The following NAV2 variants were observed in gnomAD, a reference collection of about 807,000 sequenced individuals.
NAV2 encodes helicase, APC down-regulated 1.
Under a neutral mutation model 223.2 loss-of-function variants are expected in NAV2, and 54 were observed. The ratio of observed to expected loss-of-function variants is 0.24; its 90% CI spans 0.19 to 0.30. The LOEUF is 0.30. Ranked by LOEUF, NAV2 falls within the 10% of genes least tolerant of loss-of-function variation. NAV2 has a pLI of 1.00. For missense variants in NAV2, 2,806 were observed against 3,147.5 expected, an observed-to-expected ratio of 0.89 and a Z score of 2.60; for synonymous variants, 1,279 against 1,239.3, an observed-to-expected ratio of 1.03 and a Z score of -0.67.
At chr11:19,426,365 C>G (rs1850827339) in intron 1 of NAV2, among the ~76,000 whole-genome samples, 1 of 152,172 alleles carries the variant, frequency 6.6e-6, no homozygotes, top group South Asian at 2.1e-4. Context: ...TCTTCCTCAT[C>G]CCTCTTCTCT....
At chr11:20,001,153 C>T (rs2052504228) in intron 11 of NAV2, among the ~76,000 whole-genome samples, 1 of 152,156 alleles carries the variant, frequency 6.6e-6, no homozygotes, top group African/African-American at 2.4e-5. Context: ...TATTGTAAAC[C>T]TCCATGCCTT....
intron 1 of NAV2, among the ~76,000 whole-genome samples, chr11:19,590,978 A>G (rs2046043206): frequency 6.6e-6 from 1 of 152,208 alleles, no homozygotes. Context: ...TACTTTAAAA[A>G]CTTCCTATAC....
chr11:19,550,465 G>A (rs1284277841), intron 1 of NAV2, among the ~76,000 whole-genome samples: 1 of 152,204 alleles, frequency 6.6e-6, no homozygotes, highest in Non-Finnish European at 1.5e-5. Flanking sequence ...TCGTAGATGA[G>A]GCAACTGAGG....
intron 1 of NAV2, among the ~76,000 whole-genome samples, chr11:19,654,530 G>C (rs993192991): frequency 6.6e-6 from 1 of 152,066 alleles, no homozygotes; most frequent in African/African-American, 2.4e-5. Flanking sequence ...CATGGTACTG[G>C]TACCAAAACA....
At chr11:19,670,366 C>A (rs538510456) in intron 1 of NAV2, among the ~76,000 whole-genome samples, 73 of 152,362 alleles carry the variant, frequency 4.8e-4, no homozygotes, top group African/African-American at 1.6e-3. Context: ...AAAGGCCAAG[C>A]CACTCCTCCT....
At chr11:19,636,987 G>A (rs140580686) in intron 1 of NAV2, among the ~76,000 whole-genome samples, 32 of 152,326 alleles carry the variant, frequency 2.1e-4, no homozygotes, top group African/African-American at 4.8e-4. Flanking sequence ...TGATTCCAGC[G>A]TAGCTCAGCA....
At chr11:19,887,848 G>A (rs545708886) in intron 5 of NAV2, among the ~76,000 whole-genome samples, 3 of 151,980 alleles carry the variant, frequency 2.0e-5, no homozygotes, top group East Asian at 1.9e-4. Context: ...GATTATGACC[G>A]CCCCCCGCCA....
upstream of NAV2, among the ~76,000 whole-genome samples, chr11:19,348,433 C>A (rs935488425): frequency 3.3e-5 from 5 of 152,194 alleles, no homozygotes; most frequent in Admixed American, 6.5e-5. Context: ...CCTTCCAGAG[C>A]AGCATGGATA....
At chr11:19,868,804 A>G in intron 3 of NAV2, 121 bp from the exon 4 acceptor site, 1 of 842,268 alleles carries the variant, frequency 1.2e-6, no homozygotes, top group Non-Finnish European at 1.9e-6. Context: ...AGAGTGTCCT[A>G]TCTTGGCGTT....
intron 10 of NAV2, among the ~76,000 whole-genome samples, chr11:19,958,939 G>A (rs926840149): frequency 6.6e-6 from 1 of 152,194 alleles, no homozygotes; most frequent in Non-Finnish European, 1.5e-5. Context: ...GTAAGGCCAG[G>A]GCCAGGGGAA....
rs199691877 is a variant in NAV2 at position 20,035,977 on chromosome 11, C to T, written c.2787C>T (p.Ser929=). 33 of 1,614,132 alleles carry T rather than the reference C, an allele frequency of 2.0e-5. No homozygotes were observed. The highest frequency in any genetic ancestry group is 4.4e-5 in the South Asian group (4 of 91,084). The change falls in exon 12 of 38, where the codon TCC becomes TCT. Residue 929 remains serine, a synonymous_variant. Coordinates refer to ENST00000349880, the MANE Select transcript of NAV2 (RefSeq NM_145117.5). The stretch of plus-strand genomic sequence containing the variant: ...TTGGCAGCTGGGACGACAGCAGCTC[C>T]GTCAGCAGCGGCATCAGCGACACCA... ...GDADSWDDSS[S]VSSGISDTID...
chr11:20,086,640 G>A (rs1484396918), intron 26 of NAV2, among the ~76,000 whole-genome samples: 1 of 152,158 alleles, frequency 6.6e-6, no homozygotes. Context: ...GGTTTTGCAG[G>A]CACTCAAATA....
chr11:19,511,087 G>C (rs1254467626), intron 1 of NAV2: 1 of 152,148 alleles, frequency 6.6e-6, no homozygotes, highest in Non-Finnish European at 1.5e-5. Flanking sequence ...GAGGTTCAAG[G>C]GACTCATCAG....
intron 1 of NAV2, among the ~76,000 whole-genome samples, chr11:19,826,697 A>T (rs1362636847): frequency 2.0e-5 from 3 of 152,108 alleles, no homozygotes; most frequent in African/African-American, 7.2e-5. Context: ...ATAATTAATG[A>T]TCCTTGTGAA....
At chr11:20,104,413 G>A (rs541247349) in intron 34 of NAV2, 5 of 152,574 alleles carry the variant, frequency 3.3e-5, no homozygotes, top group East Asian at 1.9e-4. Flanking sequence ...TAGGACCCCC[G>A]GCTCATTTCC....
chr11:19,588,940 G>A (rs1430195056), intron 1 of NAV2, among the ~76,000 whole-genome samples: 1 of 152,132 alleles, frequency 6.6e-6, no homozygotes, highest in Admixed American at 6.5e-5. Context: ...ATGGGCAATT[G>A]GTAGATGGCT....
At chr11:19,831,341 G>T (rs1229113277) in intron 1 of NAV2, among the ~76,000 whole-genome samples, 2 of 151,464 alleles carry the variant, frequency 1.3e-5, no homozygotes, top group Non-Finnish European at 2.9e-5. Flanking sequence ...TGCTGCTCTG[G>T]GAGTCACATG....
chr11:19,873,881 A>C (rs1307004080), intron 4 of NAV2, among the ~76,000 whole-genome samples: 4 of 152,162 alleles, frequency 2.6e-5, no homozygotes, highest in Admixed American at 6.5e-5. Context: ...GGGGCAAGTT[A>C]AGTGGTGAAT....
intron 1 of NAV2, among the ~76,000 whole-genome samples, chr11:19,794,365 C>T (rs1386188666): frequency 6.6e-6 from 1 of 152,192 alleles, no homozygotes; most frequent in African/African-American, 2.4e-5. Flanking sequence ...CTCACTTCCT[C>T]TCTGAGAGCC....
Sources: allele counts gnomAD v4.1 joint callset (sites outside exome capture counted in the v4.1 genomes callset), GRCh38; gene constraint gnomAD v4.1.1; transcripts MANE v1.5; gene names NCBI Gene and HGNC (gene_info 2026-07-23, HGNC 2026-07-21).